ANKRD30B: variants seen among roughly 807,000 people sequenced by gnomAD.
ANKRD30B encodes ankyrin repeat domain 30B.
In ANKRD30B, 144 loss-of-function variants were observed where a neutral mutation model predicts 202.2. The observed-to-expected ratio is 0.71, with a 90% CI of 0.62 to 0.82. The LOEUF (loss-of-function observed/expected upper bound fraction) is 0.82. ANKRD30B is among the 40% of genes least tolerant of loss of function. The pLI is 0.00. For missense variants in ANKRD30B, 1,487 were observed against 1,669.1 expected (o/e 0.89, Z 1.90); for synonymous variants, 508 against 561.3 (o/e 0.91, Z 1.34).
chr18:14,831,535 G>T (rs1218090187), intron 34 of ANKRD30B, 80 bp downstream of exon 34: 18 of 629,022 alleles, frequency 2.9e-5, no homozygotes, highest in Non-Finnish European at 4.3e-5. Context: ...GTTTAGCAGT[G>T]GTGTATGTAT....
chr18:14,749,093 G>T (rs940978101), intron 1 of ANKRD30B, among the ~76,000 whole-genome samples: 1 of 152,164 alleles, frequency 6.6e-6, no homozygotes, highest in Admixed American at 6.5e-5. Flanking sequence ...TTTGGATAAA[G>T]TCCAATGTCC....
At chr18:14,902,500 G>A in the ANKRD30B span, among the ~76,000 whole-genome samples, 7 of 152,162 alleles carry the variant, frequency 4.6e-5, no homozygotes, top group South Asian at 4.1e-4. Context: ...GTGCTTACAT[G>A]GCCAAGTACT....
At chr18:14,859,031 C>A (rs1972142088), downstream of ANKRD30B, among the ~76,000 whole-genome samples, 1 of 111,796 alleles carries the variant, frequency 8.9e-6, no homozygotes, top group Non-Finnish European at 1.9e-5. Flanking sequence ...GACTGGGCGG[C>A]CAGGCAGAGG....
the ANKRD30B span, among the ~76,000 whole-genome samples, chr18:14,915,089 AG>A: frequency 6.6e-6 from 1 of 152,194 alleles, no homozygotes; most frequent in African/African-American, 2.4e-5. Flanking sequence ...TCCTGTCTCT[AG>A]GGGTCAGCTG....
chr18:14,892,288 A>G, the ANKRD30B span, among the ~76,000 whole-genome samples: 1 of 152,254 alleles, frequency 6.6e-6, no homozygotes, highest in Non-Finnish European at 1.5e-5. Flanking sequence ...CAATTGTAAA[A>G]CATAAATGTT....
chr18:14,883,450 T>G, the ANKRD30B span: 1 of 145,846 alleles, frequency 6.9e-6, no homozygotes. Context: ...CTGTTCTGTA[T>G]ATATCTATAT....
the ANKRD30B span, among the ~76,000 whole-genome samples, chr18:14,870,497 T>A: frequency 6.6e-6 from 1 of 152,146 alleles, no homozygotes; most frequent in Non-Finnish European, 1.5e-5. Flanking sequence ...TGTGTGAAGC[T>A]GAAGCTGATG....
At chr18:14,772,299 GTGTA>G (rs1967055677) in intron 9 of ANKRD30B, 71 bp downstream of exon 9, 3 of 912,228 alleles carry the variant, frequency 3.3e-6, no homozygotes, top group Middle Eastern at 2.3e-4. Flanking sequence ...CTTAGCAGTG[GTGTA>G]TGTATCATTA....
intron 9 of ANKRD30B, among the ~76,000 whole-genome samples, chr18:14,777,137 A>T (rs921842606): frequency 6.6e-6 from 1 of 152,146 alleles, no homozygotes; most frequent in African/African-American, 2.4e-5. Context: ...TATGAATATG[A>T]TTTATTTTCC....
intron 32 of ANKRD30B, among the ~76,000 whole-genome samples, chr18:14,823,499 C>T (rs1041876632): frequency 6.6e-6 from 1 of 151,540 alleles, no homozygotes; most frequent in Non-Finnish European, 1.5e-5. Flanking sequence ...TGTGTGTGTG[C>T]GTGTGTGACT....
chr18:14,805,317 T>G (rs1969440126), intron 24 of ANKRD30B, among the ~76,000 whole-genome samples: 1 of 150,990 alleles, frequency 6.6e-6, no homozygotes, highest in South Asian at 2.1e-4. Flanking sequence ...CTAGAAAATT[T>G]TGTTAATATT....
chr18:14,864,745 G>T, the ANKRD30B span, among the ~76,000 whole-genome samples: 1 of 151,094 alleles, frequency 6.6e-6, no homozygotes, highest in South Asian at 2.1e-4. Flanking sequence ...CCTGCTGCTC[G>T]CCACCCTCTC....
chr18:14,876,101 G>A, the ANKRD30B span, among the ~76,000 whole-genome samples: 1 of 151,936 alleles, frequency 6.6e-6, no homozygotes, highest in Admixed American at 6.6e-5. Context: ...ATCCTAAAAA[G>A]GAACAGGGCA....
At position 14,763,837 on chromosome 18, in the gene ANKRD30B, A is replaced by T. The variant is rs566020369; in HGVS notation, c.972A>T (p.Thr324=). Residue 324 remains threonine, a synonymous_variant, in exon 7 of 44, where the codon ACA becomes ACT. Coordinates refer to ENST00000690538, the MANE Select transcript of ANKRD30B (RefSeq NM_001367607.2). ...AAATTCAATGTCTGGGGAAAGCAACATCTGGAAAGTTTGAACAGTCAACAG... is the reference window on the plus strand; with the variant it reads ...AAATTCAATGTCTGGGGAAAGCAACTTCTGGAAAGTTTGAACAGTCAACAG... ...SAKIQCLGKA[T]SGKFEQSTEE... The T allele has an allele frequency of 6.2e-7, 1 of 1,613,588 alleles. No homozygotes were observed. The highest frequency in any genetic ancestry group is 1.1e-5 in the South Asian group (1 of 90,952).
the ANKRD30B span, among the ~76,000 whole-genome samples, chr18:14,872,273 C>G: frequency 6.6e-6 from 1 of 152,202 alleles, no homozygotes; most frequent in African/African-American, 2.4e-5. Context: ...GATTTGTTAG[C>G]TAAGCCCCAA....
chr18:14,777,930 C>CA, intron 9 of ANKRD30B, 55 bp from the exon 10 acceptor site: 8 of 1,353,838 alleles, frequency 5.9e-6, no homozygotes, highest in South Asian at 1.3e-5. Flanking sequence ...GACTTCATCT[C>CA]AAAAAAACAA....
At chr18:14,752,218 A>G (rs367578078) in intron 1 of ANKRD30B, among the ~76,000 whole-genome samples, 1 of 152,202 alleles carries the variant, frequency 6.6e-6, no homozygotes, top group South Asian at 2.1e-4. Flanking sequence ...GAGGCATCAC[A>G]GTGATGTCCT....
rs755361447 is a variant in ANKRD30B, at chr18:14,752,685, A to T, written c.336+5A>T. On this transcript the variant is annotated splice_donor_5th_base_variant and intron_variant, in intron 2 of 43. Coordinates refer to ENST00000690538, the MANE Select transcript of ANKRD30B (RefSeq NM_001367607.2). The stretch of plus-strand genomic sequence containing the variant: ...GGGAGGACACCTCTGATGAAGGTAA[A>T]TAGTAGCCAGTTTTTTCAGCGGGAG... The T allele has an allele frequency of 2.5e-6, 4 of 1,593,588 alleles. No homozygotes were observed. The Admixed American group carries it at 7.0e-5, about 28-fold the overall frequency.
At chr18:14,775,266 G>C (rs753927591) in intron 9 of ANKRD30B, among the ~76,000 whole-genome samples, 2 of 152,216 alleles carry the variant, frequency 1.3e-5, no homozygotes, top group Non-Finnish European at 2.9e-5. Flanking sequence ...GTGTAGAATA[G>C]TGCAAAAGAA....
Sources: gnomAD v4.1 joint callset for allele counts (sites outside exome capture counted in the v4.1 genomes callset) on GRCh38, gnomAD v4.1.1 for gene constraint, MANE v1.5 for transcripts, NCBI Gene and HGNC (gene_info 2026-07-23, HGNC 2026-07-21) for gene names.